THSD7A: variants seen among roughly 807,000 people sequenced by gnomAD.
THSD7A encodes thrombospondin type-1 domain-containing protein 7A.
THSD7A carries 96 observed loss-of-function variants against 231.3 expected under a neutral mutation model. The observed-to-expected ratio is 0.41, with a 90% confidence interval of 0.35 to 0.49. The LOEUF (loss-of-function observed/expected upper bound fraction) is 0.49. THSD7A is among the 20% of genes least tolerant of loss of function. THSD7A has a pLI of 0.05. For synonymous variants in THSD7A, 940 were observed against 743.3 expected (o/e 1.26, Z -4.30); for missense variants, 2,290 against 2,070.2 (o/e 1.11, Z -2.06).
At chr7:11,807,633 T>C (rs1784431781) in intron 1 of THSD7A, among the ~76,000 whole-genome samples, 2 of 152,162 alleles carry the variant, frequency 1.3e-5, no homozygotes, top group Admixed American at 1.3e-4. Flanking sequence ...GAATAAATCA[T>C]TTTAGAAGTG....
intron 6 of THSD7A, among the ~76,000 whole-genome samples, chr7:11,487,368 G>C (rs1042671525): frequency 2.0e-5 from 3 of 152,076 alleles, no homozygotes; most frequent in African/African-American, 7.2e-5. Context: ...AAAGTTTATT[G>C]CATTTATCGT....
intron 2 of THSD7A, among the ~76,000 whole-genome samples, chr7:11,603,934 C>T (rs903186587): frequency 6.7e-6 from 1 of 150,068 alleles, no homozygotes; most frequent in East Asian, 2.0e-4. Flanking sequence ...TGCTAGATGA[C>T]GAGTTAGTGG....
chr7:11,699,708 C>A (rs1780519577), intron 1 of THSD7A, among the ~76,000 whole-genome samples: 1 of 151,238 alleles, frequency 6.6e-6, no homozygotes, highest in African/African-American at 2.4e-5. Flanking sequence ...ATAGAACATG[C>A]CAATTTTGCT....
chr7:11,781,133 C>A (rs146280378), intron 1 of THSD7A, among the ~76,000 whole-genome samples: 122 of 148,778 alleles, frequency 8.2e-4, no homozygotes, highest in African/African-American at 2.8e-3. Flanking sequence ...GTGCAAAACA[C>A]TTCACAAAGT....
Position 11,474,669 on chromosome 7 carries a change from C to G in THSD7A, c.2018-101G>C. ...AACATGGCTTAGAAATAAAAAGTGA[C>G]TTTTCTTCCCCACATCAAGTTCATA... On this transcript the variant is annotated intron_variant, in intron 7 of 27. Transcript: ENST00000423059. This position sits in a 1 kb window ranked among gnomAD's most constrained non-coding sequence, Gnocchi z 4.1. 1.1e-6 allele frequency: 1 copy of G among 926,144 alleles called. No individual in the cohort carries two copies. The allele number at this position is 926,144 out of a possible 1,614,324, so 57.4% of individuals were successfully genotyped here.
intron 2 of THSD7A, among the ~76,000 whole-genome samples, chr7:11,603,284 T>C (rs1455151279): frequency 2.7e-5 from 4 of 150,098 alleles, no homozygotes; most frequent in Non-Finnish European, 6.0e-5. Flanking sequence ...AAAATGCTCA[T>C]CATCACTGGC....
intron 2 of THSD7A, among the ~76,000 whole-genome samples, chr7:11,621,998 A>C (rs1309716541): frequency 6.6e-6 from 1 of 152,162 alleles, no homozygotes; most frequent in Non-Finnish European, 1.5e-5. Flanking sequence ...AGATAACGTC[A>C]TATTAGTGAT....
chr7:11,600,367 A>G (rs113295388), intron 2 of THSD7A, among the ~76,000 whole-genome samples: 7,849 of 152,232 alleles, frequency 0.052, 290 homozygotes, highest in Non-Finnish European at 0.075. Flanking sequence ...AATAATATAC[A>G]TCTATTTACC....
At chr7:11,748,812 CTT>C (rs1266144343) in intron 1 of THSD7A, among the ~76,000 whole-genome samples, 9 of 151,842 alleles carry the variant, frequency 5.9e-5, no homozygotes, top group East Asian at 1.9e-4. Context: ...ACAATACAAA[CTT>C]ATAAATTATT....
intron 4 of THSD7A, among the ~76,000 whole-genome samples, chr7:11,568,186 T>C (rs1171840906): frequency 6.6e-6 from 1 of 152,172 alleles, no homozygotes; most frequent in African/African-American, 2.4e-5. Flanking sequence ...GTATTATTAT[T>C]AAGTTCACTG....
intron 24 of THSD7A, among the ~76,000 whole-genome samples, chr7:11,380,910 A>C (rs1401682003): frequency 6.6e-6 from 1 of 152,326 alleles, no homozygotes; most frequent in East Asian, 1.9e-4. Flanking sequence ...TAAGTCTTTT[A>C]AAATTCGACT....
intron 1 of THSD7A, among the ~76,000 whole-genome samples, chr7:11,668,948 G>A (rs1783265660): frequency 6.6e-6 from 1 of 152,172 alleles, no homozygotes; most frequent in Non-Finnish European, 1.5e-5. Context: ...TTTCAAAACA[G>A]CAGACTGGAA....
chr7:11,406,169 C>A lies in THSD7A; in HGVS notation c.4237+131G>T. 3.2e-6 allele frequency: 3 copies of A among 924,168 alleles called. No individual in the cohort carries two copies. The highest frequency in any genetic ancestry group is 4.8e-6 in the Non-Finnish European group (3 of 628,728). 57.2% of individuals were successfully genotyped at this position (924,168 alleles called of 1,614,324 possible). On this transcript the variant is annotated intron_variant, in intron 22 of 27. Transcript: ENST00000423059. The surrounding 1 kb of genome is among the most constrained non-coding windows in gnomAD (Gnocchi z 4.7). ...CGTTCCCCACAGGCATAGTGTTGAG[C>A]TGTTGGCATAGATATTACTGAATAA...
At chr7:11,435,325 A>G (rs1784599803) in intron 13 of THSD7A, among the ~76,000 whole-genome samples, 1 of 152,090 alleles carries the variant, frequency 6.6e-6, no homozygotes, top group African/African-American at 2.4e-5. Context: ...AGAACTATCT[A>G]TGTTATTCAT....
chr7:11,660,765 A>G (rs149840264), intron 1 of THSD7A, among the ~76,000 whole-genome samples: 1 of 151,664 alleles, frequency 6.6e-6, no homozygotes, highest in East Asian at 1.9e-4. Flanking sequence ...AGACATTAGA[A>G]TATGAGCAAA....
intron 1 of THSD7A, among the ~76,000 whole-genome samples, chr7:11,692,169 G>A (rs1780253243): frequency 6.6e-6 from 1 of 151,414 alleles, no homozygotes; most frequent in South Asian, 2.1e-4. Context: ...TACAGAAGGT[G>A]GGAGTAGAAA....
At chr7:11,747,846 G>A (rs1782361342) in intron 1 of THSD7A, among the ~76,000 whole-genome samples, 1 of 151,916 alleles carries the variant, frequency 6.6e-6, no homozygotes, top group Non-Finnish European at 1.5e-5. Flanking sequence ...CAATGGACAA[G>A]TAGAGATTCT....
chr7:11,793,640 TGTA>T (rs1158272059), intron 1 of THSD7A, among the ~76,000 whole-genome samples: 1 of 151,864 alleles, frequency 6.6e-6, no homozygotes, highest in Non-Finnish European at 1.5e-5. Context: ...GGGAATATTA[TGTA>T]GTCATGAAAT....
intron 2 of THSD7A, among the ~76,000 whole-genome samples, chr7:11,623,518 C>G (rs186769456): frequency 6.6e-4 from 101 of 152,180 alleles, no homozygotes; most frequent in African/African-American, 2.4e-3. Flanking sequence ...CTTCCTGATT[C>G]ATCATCTATT....
Sources: gnomAD v4.1 joint callset for allele counts (sites outside exome capture counted in the v4.1 genomes callset) on GRCh38, gnomAD v4.1.1 for gene constraint, Gnocchi (gnomAD v3.1) non-coding constraint, MANE v1.5 for transcripts, NCBI Gene and HGNC (gene_info 2026-07-23, HGNC 2026-07-21) for gene names.